The following RPS25 variants were observed in gnomAD, a reference collection of about 807,000 sequenced individuals.
The protein encoded by RPS25 is ribosomal protein S25.
In RPS25, 1 loss-of-function variant was observed where a neutral mutation model predicts 14.4. That is an observed-to-expected ratio of 0.07 (90% CI 0.02 to 0.33). The LOEUF (loss-of-function observed/expected upper bound fraction) is 0.33. RPS25 is among the 10% of genes least tolerant of loss of function. The pLI is 1.00. For synonymous variants in RPS25, 63 were observed against 53.8 expected, an observed-to-expected ratio of 1.17 and a Z score of -0.75; for missense variants, 65 against 144.6, an observed-to-expected ratio of 0.45 and a Z score of 2.82.
intron 2 of RPS25, 143 bp from the exon 3 acceptor site, chr11:119,017,688 C>A (rs1049739262): frequency 6.1e-6 from 5 of 822,982 alleles, no homozygotes; most frequent in Middle Eastern, 2.4e-4. Context: ...AAAAAAAAAA[C>A]ACCGACACGT....
chr11:119,017,327 C>T, intron 3 of RPS25, 35 bp downstream of exon 3: 1 of 1,490,778 alleles, frequency 6.7e-7, no homozygotes, highest in Non-Finnish European at 9.1e-7. Flanking sequence ...GACAATTTAA[C>T]CTACAAAAAC....
intron 3 of RPS25, 88 bp from the exon 4 acceptor site, chr11:119,016,027 C>G: frequency 3.8e-6 from 3 of 785,844 alleles, no homozygotes; most frequent in South Asian, 1.5e-5. Context: ...GTGGCTCATG[C>G]TTATAATCCC....
At position 119,018,321 on chromosome 11, in the gene RPS25, T is replaced by C; in HGVS notation, c.-37A>G. 2 of 1,614,052 alleles carry C rather than the reference T, an allele frequency of 1.2e-6. No homozygotes were observed. The highest frequency in any genetic ancestry group is 1.7e-6 in the Non-Finnish European group (2 of 1,180,000). ...GAGAATAGCAGCAGACACCGCAGCC[T>C]CGTCAAGATGTCGGACAAAAAGGAA... On this transcript the variant is annotated 5_prime_UTR_variant, in exon 1 of 5. Transcript: ENST00000527673.
chr11:119,015,720 A>C lies in RPS25; in HGVS notation c.*43T>G. ...ACAGACATACTCATTCATTTGATTT[A>C]ATAAAGTTTTATTTTTCCAAATGTA... On this transcript the variant is annotated 3_prime_UTR_variant, in exon 5 of 5. Coordinates refer to ENST00000527673, the MANE Select transcript of RPS25 (RefSeq NM_001028.3). The C allele has an allele frequency of 7.7e-7, 1 of 1,298,672 alleles. No individual in the cohort carries two copies. Among genetic ancestry groups the C allele is most frequent in the South Asian group, 1.3e-5 (1 of 78,738 alleles). 80.4% of individuals were successfully genotyped at this position (1,298,672 alleles called of 1,614,324 possible).
At chr11:119,018,235 G>C (rs1346679170) in intron 1 of RPS25, 47 bp downstream of exon 1, 1 of 1,613,690 alleles carries the variant, frequency 6.2e-7, no homozygotes, top group East Asian at 2.2e-5. Context: ...TCCCCACTGA[G>C]TCCTCAAACC....
In RPS25 at chr11:119,015,860, A is replaced by G; in HGVS notation, c.363T>C (p.Ala121=). The G allele has an allele frequency of 6.2e-7, 1 of 1,603,398 alleles. No homozygotes were observed. The highest frequency in any genetic ancestry group is 2.2e-5 in the East Asian group (1 of 44,828). ...RNTKGGDAPA[A]GEDA ...ACTCACCTATTCATGCATCTTCACCAGCAGCTGGAGCATCTCCACCCTTGG... is the reference window on the plus strand; with the variant it reads ...ACTCACCTATTCATGCATCTTCACCGGCAGCTGGAGCATCTCCACCCTTGG... Residue 121 remains alanine (A), a synonymous_variant, in exon 4 of 5, where the codon GCT becomes GCC. Coordinates refer to ENST00000527673, the MANE Select transcript of RPS25 (RefSeq NM_001028.3).
chr11:119,017,619 G>T, intron 2 of RPS25, 74 bp from the exon 3 acceptor site: 1 of 1,292,872 alleles, frequency 7.7e-7, no homozygotes, highest in Non-Finnish European at 1.1e-6. Flanking sequence ...AGTAATCTGC[G>T]TCAGAGAAAT....
intron 3 of RPS25, among the ~76,000 whole-genome samples, chr11:119,016,193 T>G (rs1230456642): frequency 6.6e-6 from 1 of 152,166 alleles, no homozygotes; most frequent in Middle Eastern, 3.4e-3. Context: ...GAAGCTGAGG[T>G]GAGGACCACC....
Position 119,017,477 on chromosome 11 carries a change from A to G in RPS25, c.168T>C (p.Asp56=), listed in dbSNP as rs1397546127. ...AGTTGGGAACTTCCTTACAGAGTTT[A>G]TCATAGGTAGCTTTGTCAAACAAGA... ...NLVLFDKATY[D]KLCKEVPNYK... The change falls in exon 3 of 5, where the codon GAT becomes GAC. Residue 56 remains aspartate (D), a synonymous_variant. Coordinates refer to ENST00000527673, the MANE Select transcript of RPS25 (RefSeq NM_001028.3). 3 of 1,614,136 alleles carry G rather than the reference A, an allele frequency of 1.9e-6. No individual in the cohort carries two copies. The highest frequency in any genetic ancestry group is 1.1e-5 in the South Asian group (1 of 91,090).
Position 119,015,723 on chromosome 11 carries a change from A to ACCACC in RPS25, c.*39_*40insGGTGG. 1 of 1,296,146 alleles carries ACCACC rather than the reference A, an allele frequency of 7.7e-7. No individual in the cohort carries two copies. The highest frequency in any genetic ancestry group is 1.5e-5 in the African/African-American group (1 of 67,416). 80.3% of individuals were successfully genotyped at this position (1,296,146 alleles called of 1,614,324 possible). A position where few individuals can be genotyped will look rare whatever the true frequency, so the allele number is the denominator to read the frequency against. ...GACATACTCATTCATTTGATTTAATAAAGTTTTATTTTTCCAAATGTACAG... is the reference window on the plus strand; with the variant it reads ...GACATACTCATTCATTTGATTTAATACCACCAAGTTTTATTTTTCCAAATGTACAG... On this transcript the variant is annotated 3_prime_UTR_variant, in exon 5 of 5. Coordinates refer to ENST00000527673, the MANE Select transcript of RPS25 (RefSeq NM_001028.3).
At chr11:119,017,223 G>A in intron 3 of RPS25, 139 bp downstream of exon 3, 1 of 625,630 alleles carries the variant, frequency 1.6e-6, no homozygotes, top group Non-Finnish European at 2.7e-6. Flanking sequence ...TAAGACGTCA[G>A]AATTACATTA....
At position 119,017,971 on chromosome 11, in the gene RPS25, T is replaced by C. The variant is rs1943205424; in HGVS notation, c.86A>G (p.Lys29Arg). Residue 29 changes from lysine to arginine, a missense_variant, in exon 2 of 5, where the codon AAG becomes AGG. Transcript: ENST00000527673. Reference sequence around the variant, plus strand: ...TCTTATTTCTACCTTCTTTTTGGCCTTGCCCCCGGATTTGTTCACTGGGTC... The same window carrying C: ...TCTTATTTCTACCTTCTTTTTGGCCCTGCCCCCGGATTTGTTCACTGGGTC... ...DKDPVNKSGG[K>R]AKKKKWSKGK... is the part of the protein sequence containing the mutation. 3.1e-6 allele frequency: 5 copies of C among 1,611,950 alleles called. No homozygotes were observed. The highest frequency in any genetic ancestry group is 1.3e-5 in the African/African-American group (1 of 74,888).
Position 119,017,556 on chromosome 11 carries a change from A to C in RPS25, c.100-11T>G, listed in dbSNP as rs782652667. On this transcript the variant is annotated splice_polypyrimidine_tract_variant and intron_variant, in intron 2 of 4. Transcript: ENST00000527673. ...GCCTTTGGACCACTTCTGCTCACCA[A>C]AACAAAACAGAAACAAGTTAGTATT... 6 of 1,609,200 alleles carry C rather than the reference A, an allele frequency of 3.7e-6. No individual in the cohort carries two copies. Among genetic ancestry groups the C allele is most frequent in the Non-Finnish European group, 5.1e-6 (6 of 1,176,762 alleles).
intron 2 of RPS25, 106 bp from the exon 3 acceptor site, chr11:119,017,651 T>A: frequency 9.5e-7 from 1 of 1,058,148 alleles, no homozygotes; most frequent in Non-Finnish European, 1.4e-6. Flanking sequence ...TTATCAAGGA[T>A]AAATTACACA....
At chr11:119,017,265 T>C (rs1001527529) in intron 3 of RPS25, 97 bp downstream of exon 3, 3 of 909,066 alleles carry the variant, frequency 3.3e-6, no homozygotes, top group Non-Finnish European at 4.9e-6. Context: ...ACGCTTTTTT[T>C]TTTTAATTCT....
intron 3 of RPS25, among the ~76,000 whole-genome samples, chr11:119,016,643 CCCT>C (rs1943166007): frequency 6.6e-6 from 1 of 151,436 alleles, no homozygotes; most frequent in South Asian, 2.1e-4. Flanking sequence ...CACCCCCCCC[CCCT>C]TTCTGAGACA....
At chr11:119,017,286 CA>C in intron 3 of RPS25, 75 bp downstream of exon 3, 1 of 1,138,336 alleles carries the variant, frequency 8.8e-7, no homozygotes, top group Non-Finnish European at 1.2e-6. Flanking sequence ...GCTTTTCCAG[CA>C]AAACCACTGA....
Position 119,015,769 on chromosome 11 carries a change from AAATT to A in RPS25, c.*5-15_*5-12del. The stretch of plus-strand genomic sequence containing the variant: ...TACAGCTGGTTGGACCTGTAAAAAA[AAATT>A]AAAAGAATCAGAACCATAAAGCTTT... On this transcript the variant is annotated splice_polypyrimidine_tract_variant and intron_variant, in intron 4 of 4. Coordinates refer to ENST00000527673, the MANE Select transcript of RPS25 (RefSeq NM_001028.3). 2.3e-6 allele frequency: 3 copies of A among 1,322,204 alleles called. No individual in the cohort carries two copies. The highest frequency in any genetic ancestry group is 4.6e-5 in the East Asian group (2 of 43,272). The allele number at this position is 1,322,204 out of a possible 1,614,324, so 81.9% of individuals were successfully genotyped here. A position where few individuals can be genotyped will look rare whatever the true frequency, so the allele number is the denominator to read the frequency against.
At chr11:119,018,173 C>T (rs1023548653) in intron 1 of RPS25, 109 bp downstream of exon 1, 6 of 1,586,208 alleles carry the variant, frequency 3.8e-6, no homozygotes, top group South Asian at 3.3e-5. Context: ...AATAACCGCG[C>T]CCGCCCTGCA....
Sources: gnomAD v4.1 joint callset for allele counts (sites outside exome capture counted in the v4.1 genomes callset) on GRCh38, gnomAD v4.1.1 for gene constraint, MANE v1.5 for transcripts, NCBI Gene and HGNC (gene_info 2026-07-23, HGNC 2026-07-21) for gene names.